Variants in CCDC7 observed in about 807,000 individuals in gnomAD.
CCDC7 encodes coiled-coil domain-containing protein 7.
In CCDC7, 183 loss-of-function variants were observed where a neutral mutation model predicts 196.9. That is an observed-to-expected ratio of 0.93 (90% CI 0.82 to 1.05). The LOEUF is 1.05. CCDC7 is among the 50% of genes least tolerant of loss of function. The pLI, the probability that CCDC7 is intolerant of heterozygous loss-of-function variation, is 0.00. For missense variants in CCDC7, 1,540 were observed against 1,482.2 expected, an observed-to-expected ratio of 1.04 and a Z score of -0.64; for synonymous variants, 525 against 484.6, an observed-to-expected ratio of 1.08 and a Z score of -1.10.
At chr10:32,454,799 G>T (rs1400532419) in intron 2 of CCDC7, among the ~76,000 whole-genome samples, 1 of 152,014 alleles carries the variant, frequency 6.6e-6, no homozygotes, top group Non-Finnish European at 1.5e-5. Flanking sequence ...TTGAATTTCA[G>T]TCATCCTAAT....
Position 32,692,024 on chromosome 10 carries a change from T to C in CCDC7, c.2345-2855T>C, listed in dbSNP as rs139332448. Among the ~76,000 whole-genome samples the C allele has an allele frequency of 2.0e-3, 308 of 152,318 alleles. 1 individual carries two copies. Among genetic ancestry groups the C allele is most frequent in the East Asian group, 3.1e-3 (16 of 5,186 alleles). Reference sequence around the variant, plus strand: ...AAGCTCCACAATATGCCCCTTTCACTCCCTAAGTTAAACAAGATTATTGCT... The same window carrying C: ...AAGCTCCACAATATGCCCCTTTCACCCCCTAAGTTAAACAAGATTATTGCT... On this transcript the variant is annotated intron_variant, in intron 23 of 41. Transcript: ENST00000639629.
At position 32,817,355 on chromosome 10, in the gene CCDC7, G is replaced by A. The variant is rs183289457; in HGVS notation, c.3181+2902G>A. Among the ~76,000 whole-genome samples the A allele has an allele frequency of 2.4e-3, 370 of 152,278 alleles. 3 individuals carry two copies. The highest frequency in any genetic ancestry group is 0.02 in the Middle Eastern group (6 of 294). On this transcript the variant is annotated intron_variant, in intron 31 of 41. Transcript: ENST00000639629. ...GACTACATGAAAAGACCAAATCTAC[G>A]TCTGATTGGTGTACCCGAAAGTGAC...
chr10:32,587,115 C>A (rs77929805), intron 18 of CCDC7, among the ~76,000 whole-genome samples: 6 of 152,076 alleles, frequency 3.9e-5, no homozygotes, highest in African/African-American at 1.4e-4. Context: ...AATTCAGTGG[C>A]GTTAATTACA....
At chr10:32,618,183 C>T (rs2062983297) in intron 18 of CCDC7, among the ~76,000 whole-genome samples, 1 of 151,876 alleles carries the variant, frequency 6.6e-6, no homozygotes, top group South Asian at 2.1e-4. Context: ...TTTTTTAATG[C>T]AGTCTGCCAA....
chr10:32,568,291 C>T (rs1012350169), intron 15 of CCDC7, among the ~76,000 whole-genome samples: 27 of 152,120 alleles, frequency 1.8e-4, no homozygotes, highest in African/African-American at 6.5e-4. Context: ...AGGCATGAGC[C>T]ACCGCGCCCG....
intron 28 of CCDC7, among the ~76,000 whole-genome samples, chr10:32,774,999 C>T (rs1373759817): frequency 6.6e-6 from 1 of 152,142 alleles, no homozygotes; most frequent in African/African-American, 2.4e-5. Context: ...GCGCTATCTT[C>T]CTCCCTCTGT....
chr10:32,498,805 T>C (rs1290291125), intron 9 of CCDC7, among the ~76,000 whole-genome samples: 1 of 146,362 alleles, frequency 6.8e-6, no homozygotes, highest in Non-Finnish European at 1.5e-5. Flanking sequence ...TCTCTCTGGC[T>C]GCCCTTAACA....
At chr10:32,819,603 A>G (rs2089709371) in intron 31 of CCDC7, among the ~76,000 whole-genome samples, 1 of 152,160 alleles carries the variant, frequency 6.6e-6, no homozygotes, top group African/African-American at 2.4e-5. Flanking sequence ...CAGCACATCA[A>G]AAAGCTTATC....
intron 25 of CCDC7, among the ~76,000 whole-genome samples, chr10:32,723,659 A>G (rs556846637): frequency 6.6e-6 from 1 of 152,092 alleles, no homozygotes; most frequent in African/African-American, 2.4e-5. Context: ...GTGGCTGCTA[A>G]TAGTATACTC....
intron 24 of CCDC7, among the ~76,000 whole-genome samples, chr10:32,695,498 G>A (rs2077596208): frequency 2.0e-5 from 3 of 152,210 alleles, no homozygotes; most frequent in African/African-American, 7.2e-5. Context: ...TTGGTAACCT[G>A]ATAGATGGTG....
intron 29 of CCDC7, among the ~76,000 whole-genome samples, chr10:32,800,196 G>A (rs1045742792): frequency 2.6e-5 from 4 of 152,196 alleles, no homozygotes; most frequent in African/African-American, 9.6e-5. Flanking sequence ...CACCACCCCT[G>A]CATCTTTCAA....
At chr10:32,777,099 T>C (rs2080185218) in intron 28 of CCDC7, among the ~76,000 whole-genome samples, 1 of 152,188 alleles carries the variant, frequency 6.6e-6, no homozygotes, top group Non-Finnish European at 1.5e-5. Context: ...TACCCAGTGT[T>C]TATCTCCCAC....
chr10:32,794,604 T>G (rs933036731), intron 29 of CCDC7, among the ~76,000 whole-genome samples: 2 of 152,198 alleles, frequency 1.3e-5, no homozygotes, highest in South Asian at 2.1e-4. Flanking sequence ...TTTTTTGACT[T>G]CTTAAAAGTA....
intron 20 of CCDC7, among the ~76,000 whole-genome samples, chr10:32,642,755 G>A (rs1387279346): frequency 6.6e-6 from 1 of 152,158 alleles, no homozygotes; most frequent in Admixed American, 6.5e-5. Flanking sequence ...CACTCACACT[G>A]GGATCTGTAG....
At chr10:32,618,358 C>T (rs2063006247) in intron 18 of CCDC7, among the ~76,000 whole-genome samples, 1 of 150,736 alleles carries the variant, frequency 6.6e-6, no homozygotes, top group Non-Finnish European at 1.5e-5. Context: ...CATTTGATTC[C>T]TTTATTTTCC....
rs868649774 is a variant in CCDC7, at chr10:32,824,114, A to C, written c.3182-404A>C. 2.0e-5 allele frequency among the ~76,000 whole-genome samples: 3 copies of C among 152,136 alleles called. No individual in the cohort carries two copies. In the South Asian group the frequency reaches 6.2e-4, roughly 32 times the overall value. On this transcript the variant is annotated intron_variant, in intron 31 of 41. Coordinates refer to ENST00000639629, the Ensembl canonical transcript of CCDC7. ...AAAAATTGATGTTCCACCTCACCAG[A>C]TATACCCCTACAACATATATATGTT...
intron 3 of CCDC7, among the ~76,000 whole-genome samples, chr10:32,459,936 T>C (rs2035271902): frequency 6.6e-6 from 1 of 152,048 alleles, no homozygotes; most frequent in Non-Finnish European, 1.5e-5. Flanking sequence ...CCCTTTTATA[T>C]ATGGAAAATT....
chr10:32,446,907 T>TCCCTCCCTCCCTTCCTTCCTTCCTTCC (rs772716401), upstream of CCDC7, among the ~76,000 whole-genome samples: 1,070 of 76,236 alleles, frequency 0.014, 47 homozygotes, highest in Non-Finnish European at 0.028. Context: ...CCTGCCTGCC[T>TCCCTCCCTCCCTTCCTTCCTTCCTTCC]CCCTCCCTCC....
At chr10:32,450,161 A>G (rs1412527333), upstream of CCDC7, among the ~76,000 whole-genome samples, 3 of 152,196 alleles carry the variant, frequency 2.0e-5, no homozygotes, top group African/African-American at 7.2e-5. Context: ...CAGCAAAACC[A>G]TGTTCCCTGC....
Sources: gnomAD v4.1 joint callset for allele counts (sites outside exome capture counted in the v4.1 genomes callset) on GRCh38, gnomAD v4.1.1 for gene constraint, MANE v1.5 for transcripts, NCBI Gene and HGNC (gene_info 2026-07-23, HGNC 2026-07-21) for gene names.